The following ERC2 variants were observed in gnomAD, a reference collection of about 807,000 sequenced individuals.
The protein encoded by ERC2 is ERC protein 2.
Under a neutral mutation model 114.8 loss-of-function variants are expected in ERC2, and 42 were observed. The observed-to-expected ratio is 0.37, with a 90% confidence interval of 0.29 to 0.47. The LOEUF (loss-of-function observed/expected upper bound fraction) is 0.47. Among genes scored for constraint, ERC2 ranks in the 20% least tolerant of loss-of-function variants. The pLI is 0.99. For missense variants in ERC2, 939 were observed against 1,150.7 expected (o/e 0.82, Z 2.66); for synonymous variants, 454 against 425.5 (o/e 1.07, Z -0.82).
chr3:55,894,215 T>C lies in ERC2; in HGVS notation c.2404-5666A>G, dbSNP rs369515229. Among the ~76,000 whole-genome samples the C allele has an allele frequency of 3.0e-4, 45 of 152,238 alleles. No homozygotes were observed. In the South Asian group the frequency reaches 8.9e-3, roughly 30 times the overall value. On this transcript the variant is annotated intron_variant, in intron 13 of 17. Coordinates refer to ENST00000288221, the MANE Select transcript of ERC2 (RefSeq NM_015576.3). ...AATAAATAATATTCAATAAGCACTATTACAAAGTTATAGAAATAAACTGGA... is the reference window on the plus strand; with the variant it reads ...AATAAATAATATTCAATAAGCACTACTACAAAGTTATAGAAATAAACTGGA...
intron 17 of ERC2, among the ~76,000 whole-genome samples, chr3:55,515,232 CATTTTATATGCATAG>C (rs2052405682): frequency 6.6e-6 from 1 of 152,176 alleles, no homozygotes; most frequent in African/African-American, 2.4e-5. Context: ...AGCAGATTAC[CATTTTATATGCATAG>C]CTTCATCTCA....
chr3:55,850,417 T>A (rs559537994), intron 14 of ERC2, among the ~76,000 whole-genome samples: 1 of 152,352 alleles, frequency 6.6e-6, no homozygotes, highest in South Asian at 2.1e-4. Flanking sequence ...TCATTTTATC[T>A]TTACAATAAC....
rs550933482 is a variant in ERC2, at chr3:56,375,623, G to A, written c.657+58728C>T. The stretch of plus-strand genomic sequence containing the variant: ...TAATAAAGGTAGAGGAACATACAAC[G>A]ATGAAACACTAAATCTTATAGAAAT... On this transcript the variant is annotated intron_variant, in intron 2 of 17. Transcript: ENST00000288221. 3.9e-5 allele frequency among the ~76,000 whole-genome samples: 6 copies of A among 152,216 alleles called. No homozygotes were observed. The South Asian group carries it at 6.2e-4, about 16-fold the overall frequency.
chr3:56,244,890 C>T (rs1039187874), intron 3 of ERC2, among the ~76,000 whole-genome samples: 6 of 152,120 alleles, frequency 3.9e-5, no homozygotes, highest in Non-Finnish European at 7.4e-5. Context: ...GGTTCTCCTA[C>T]CTTCTCTCTT....
intron 2 of ERC2, among the ~76,000 whole-genome samples, chr3:56,355,467 C>T (rs2058713866): frequency 6.6e-6 from 1 of 151,982 alleles, no homozygotes; most frequent in South Asian, 2.1e-4. Flanking sequence ...CACAGGCATG[C>T]ACATCATGCT....
chr3:56,259,660 A>G (rs943213114), intron 3 of ERC2, among the ~76,000 whole-genome samples: 1 of 151,448 alleles, frequency 6.6e-6, no homozygotes, highest in Admixed American at 6.6e-5. Flanking sequence ...ATATGATATG[A>G]TATGATATGA....
intron 6 of ERC2, among the ~76,000 whole-genome samples, chr3:56,115,839 A>G (rs1252834131): frequency 6.6e-6 from 1 of 151,798 alleles, no homozygotes; most frequent in Non-Finnish European, 1.5e-5. Flanking sequence ...ACCATCCAGA[A>G]CCCTCACCCT....
intron 7 of ERC2, among the ~76,000 whole-genome samples, chr3:56,049,987 T>C (rs1419708564): frequency 6.6e-6 from 1 of 152,088 alleles, no homozygotes; most frequent in Non-Finnish European, 1.5e-5. Flanking sequence ...TATGGGTCCA[T>C]TTATATGACA....
intron 1 of ERC2, among the ~76,000 whole-genome samples, chr3:56,462,316 G>A (rs1295140954): frequency 6.6e-6 from 1 of 152,184 alleles, no homozygotes; most frequent in African/African-American, 2.4e-5. Flanking sequence ...TAGGTTAACA[G>A]CAACTATGAT....
chr3:55,819,421 T>C (rs1437667675), intron 14 of ERC2, among the ~76,000 whole-genome samples: 2 of 152,236 alleles, frequency 1.3e-5, no homozygotes, highest in South Asian at 2.1e-4. Context: ...ATCAAGTCTA[T>C]ACATGAAAAC....
chr3:55,752,597 T>C (rs1472472296), intron 14 of ERC2, among the ~76,000 whole-genome samples: 1 of 152,186 alleles, frequency 6.6e-6, no homozygotes, highest in African/African-American at 2.4e-5. Flanking sequence ...CCAAAGACTA[T>C]ACCATTCTAA....
At chr3:56,305,940 C>T (rs1209592700) in intron 2 of ERC2, among the ~76,000 whole-genome samples, 3 of 152,138 alleles carry the variant, frequency 2.0e-5, no homozygotes, top group African/African-American at 7.2e-5. Flanking sequence ...TCCTCCACCT[C>T]CCGGGTTCAA....
At chr3:56,312,690 C>A (rs1249914833) in intron 2 of ERC2, among the ~76,000 whole-genome samples, 1 of 148,956 alleles carries the variant, frequency 6.7e-6, no homozygotes, top group Non-Finnish European at 1.5e-5. Flanking sequence ...CTCATTTGTG[C>A]TTTTAAGCAG....
chr3:55,951,460 G>A (rs1283843793), intron 12 of ERC2, among the ~76,000 whole-genome samples: 1 of 152,144 alleles, frequency 6.6e-6, no homozygotes, highest in East Asian at 1.9e-4. Flanking sequence ...GATCAAGTGA[G>A]TAAAAGACTA....
intron 14 of ERC2, among the ~76,000 whole-genome samples, chr3:55,820,365 G>A (rs1432529552): frequency 1.3e-5 from 2 of 152,092 alleles, no homozygotes; most frequent in Non-Finnish European, 2.9e-5. Context: ...TTAACATTTT[G>A]TAGAACAAAA....
At chr3:56,151,831 TA>T (rs1183569656) in intron 4 of ERC2, among the ~76,000 whole-genome samples, 1 of 151,962 alleles carries the variant, frequency 6.6e-6, no homozygotes, top group Non-Finnish European at 1.5e-5. Context: ...TAATCTGGAA[TA>T]GAGAAAAAAA....
intron 6 of ERC2, among the ~76,000 whole-genome samples, chr3:56,085,167 G>T (rs1435167962): frequency 6.6e-6 from 1 of 152,174 alleles, no homozygotes; most frequent in Non-Finnish European, 1.5e-5. Context: ...TAGCGATAAA[G>T]AAAAATTATT....
chr3:56,434,698 T>C lies in ERC2; in HGVS notation c.310A>G (p.Ile104Val), dbSNP rs910466776. The C allele has an allele frequency of 6.2e-7, 1 of 1,613,862 alleles. No homozygotes were observed. The change falls in exon 2 of 18, where the codon ATT (isoleucine) becomes GTT (valine). Residue 104 changes from isoleucine to valine, a missense_variant. Physicochemically the swap from Ile to Val is conservative, Grantham distance 29. Coordinates refer to ENST00000288221, the MANE Select transcript of ERC2 (RefSeq NM_015576.3). ...GTGTGGGAAAGTCCAGCAGAAGCAA[T>C]ATTGGGACTACTCCCCATGGCTGTG... ...RVTAMGSSPN[I>V]ASAGLSHTDV...
intron 16 of ERC2, among the ~76,000 whole-genome samples, chr3:55,687,992 T>C (rs2062425427): frequency 6.6e-6 from 1 of 152,238 alleles, no homozygotes; most frequent in South Asian, 2.1e-4. Flanking sequence ...ATTCATTCTG[T>C]CTTTTATTTC....
Sources: allele counts gnomAD v4.1 joint callset (sites outside exome capture counted in the v4.1 genomes callset), GRCh38; gene constraint gnomAD v4.1.1; transcripts MANE v1.5; gene names NCBI Gene and HGNC (gene_info 2026-07-23, HGNC 2026-07-21).